The following PELI1 variants were observed in gnomAD, a reference collection of about 807,000 sequenced individuals.
PELI1 encodes E3 ubiquitin-protein ligase pellino homolog 1.
Under a neutral mutation model 41.3 loss-of-function variants are expected in PELI1, and 15 were observed. That is an observed-to-expected ratio of 0.36 (90% confidence interval 0.24 to 0.56). The LOEUF (loss-of-function observed/expected upper bound fraction) is 0.56, where lower values mean the gene tolerates loss of function less well. Ranked by LOEUF, PELI1 falls within the 20% of genes least tolerant of loss-of-function variation. PELI1 has a pLI of 0.82. For synonymous variants in PELI1, 178 were observed against 180.1 expected (o/e 0.99, Z 0.09); for missense variants, 403 against 525.5 (o/e 0.77, Z 2.28).
At chr2:64,110,928 A>AATATCTAT (rs1680789087) in intron 1 of PELI1, among the ~76,000 whole-genome samples, 1 of 149,296 alleles carries the variant, frequency 6.7e-6, no homozygotes. Context: ...TCCATTTCAA[A>AATATCTAT]ATATATATAT....
chr2:64,121,811 A>T (rs2103718846), intron 1 of PELI1, among the ~76,000 whole-genome samples: 1 of 152,128 alleles, frequency 6.6e-6, no homozygotes, highest in South Asian at 2.1e-4. Context: ...AGGCTGAGGC[A>T]GGAGAATAGC....
intron 3 of PELI1, among the ~76,000 whole-genome samples, chr2:64,102,341 T>TAC (rs1399625621): frequency 2.0e-5 from 3 of 152,138 alleles, no homozygotes; most frequent in Admixed American, 6.5e-5. Flanking sequence ...CATATATATA[T>TAC]ACACACGCAC....
chr2:64,100,413 G>A lies in PELI1; in HGVS notation c.288C>T (p.Asn96=). 1.3e-6 allele frequency: 2 copies of A among 1,514,380 alleles called. No homozygotes were observed. The highest frequency in any genetic ancestry group is 1.7e-4 in the Middle Eastern group (1 of 5,880). 93.8% of individuals were successfully genotyped at this position (1,514,380 alleles called of 1,614,324 possible). A position where few individuals can be genotyped will look rare whatever the true frequency, so the allele number is the denominator to read the frequency against. ...TVVVEYTHDS[N]TDMFQIGRST... is the part of the protein sequence containing the mutation. ...GTTGTAATACCTGAAACATATCGGT[G>A]TTGCTGTCATGAGTATATTCAACCA... The change falls in exon 4 of 7, where the codon AAC becomes AAT. Residue 96 remains asparagine, a synonymous_variant. Coordinates refer to ENST00000358912, the MANE Select transcript of PELI1 (RefSeq NM_020651.4).
At chr2:64,116,956 A>G (rs1194486500) in intron 1 of PELI1, among the ~76,000 whole-genome samples, 1 of 152,182 alleles carries the variant, frequency 6.6e-6, no homozygotes, top group Non-Finnish European at 1.5e-5. Context: ...GTCTGTGATC[A>G]GTGATCTTTG....
intron 1 of PELI1, among the ~76,000 whole-genome samples, chr2:64,142,983 T>G (rs558144635): frequency 1.8e-3 from 270 of 152,338 alleles, no homozygotes; most frequent in Non-Finnish European, 3.2e-3. Context: ...AACCAGCACC[T>G]TATGAATAAA....
Position 64,096,608 on chromosome 2 carries a change from A to G in PELI1, c.306T>C (p.Ile102=). The G allele has an allele frequency of 6.2e-7, 1 of 1,605,306 alleles. No individual in the cohort carries two copies. Among genetic ancestry groups the G allele is most frequent in the Middle Eastern group, 1.7e-4 (1 of 6,016 alleles). The change falls in exon 5 of 7, where the codon ATT becomes ATC. Residue 102 remains isoleucine, a splice_region_variant and synonymous_variant. Transcript: ENST00000358912. The part of the protein sequence containing the change: ...THDSNTDMFQ[I]GRSTESPIDF... ...CAATGGGGCTTTCAGTCGACCGGCCAATCTGAGGGAAAAAAAAAAATACCT... is the reference window on the plus strand; with the variant it reads ...CAATGGGGCTTTCAGTCGACCGGCCGATCTGAGGGAAAAAAAAAAATACCT...
At chr2:64,106,576 A>C (rs1157897308) in intron 2 of PELI1, among the ~76,000 whole-genome samples, 1 of 152,220 alleles carries the variant, frequency 6.6e-6, no homozygotes, top group African/African-American at 2.4e-5. Flanking sequence ...ACTATGCTAA[A>C]TTTATGATCT....
intron 4 of PELI1, among the ~76,000 whole-genome samples, chr2:64,099,894 A>G (rs991994891): frequency 1.3e-5 from 2 of 152,240 alleles, no homozygotes; most frequent in Non-Finnish European, 2.9e-5. Flanking sequence ...GACCAAATAC[A>G]TGCTGAGAAA....
At chr2:64,141,498 T>G (rs1681913690) in intron 1 of PELI1, among the ~76,000 whole-genome samples, 1 of 152,210 alleles carries the variant, frequency 6.6e-6, no homozygotes, top group Admixed American at 6.5e-5. Context: ...AGTTTTCAAT[T>G]CTAAGTCTTT....
intron 1 of PELI1, among the ~76,000 whole-genome samples, chr2:64,116,807 C>T (rs1681008079): frequency 6.6e-6 from 1 of 152,198 alleles, no homozygotes; most frequent in South Asian, 2.1e-4. Context: ...AAGTTTGTGG[C>T]AACCCTGCAT....
chr2:64,094,463 C>T lies in PELI1; in HGVS notation c.*239G>A. ...ATCAAATTAGACTATGTCTTTTTCT[C>T]CTCAAAATATATTTTCAAAACTCAG... On this transcript the variant is annotated 3_prime_UTR_variant, in exon 7 of 7. Transcript: ENST00000358912. 2.4e-6 allele frequency: 1 copy of T among 419,626 alleles called. No homozygotes were observed. The highest frequency in any genetic ancestry group is 4.2e-6 in the Non-Finnish European group (1 of 235,876). 26.0% of individuals were successfully genotyped at this position (419,626 alleles called of 1,614,324 possible).
chr2:64,112,620 T>C (rs1680841031), intron 1 of PELI1, among the ~76,000 whole-genome samples: 3 of 152,178 alleles, frequency 2.0e-5, no homozygotes, highest in Admixed American at 6.6e-5. Context: ...GACATCAAAG[T>C]TTCAATCACA....
intron 1 of PELI1, among the ~76,000 whole-genome samples, chr2:64,110,247 GAAAAAA>G (rs796716135): frequency 1.1e-4 from 11 of 100,812 alleles, no homozygotes; most frequent in Admixed American, 2.4e-4. Context: ...TCCGTCTCAA[GAAAAAA>G]AAAAAAAAAA....
intron 1 of PELI1, among the ~76,000 whole-genome samples, chr2:64,140,804 C>CAA (rs200569281): frequency 9.7e-6 from 1 of 102,608 alleles, no homozygotes; most frequent in Admixed American, 1.2e-4. Context: ...AAAAAACAAA[C>CAA]AAACAAAAAA....
At position 64,095,015 on chromosome 2, in the gene PELI1, T is replaced by C. The variant is rs1680182208; in HGVS notation, c.944A>G (p.His315Arg). 6.2e-7 allele frequency: 1 copy of C among 1,614,114 alleles called. No individual in the cohort carries two copies. The highest frequency in any genetic ancestry group is 1.3e-5 in the African/African-American group (1 of 74,938). The change falls in exon 7 of 7, where the codon CAT becomes CGT. Residue 315 changes from histidine (H) to arginine (R), a missense_variant. Transcript: ENST00000358912. ...TTTGTTTCCCCAGTTATGATAGCCA[T>C]GTACATGGCCGCAGTTTAGATATAC... is the stretch of plus-strand genomic sequence containing the variant. ...PWVYLNCGHV[H>R]GYHNWGNKEE...
intron 2 of PELI1, among the ~76,000 whole-genome samples, chr2:64,107,607 G>A (rs1213740892): frequency 6.6e-6 from 1 of 152,072 alleles, no homozygotes; most frequent in East Asian, 1.9e-4. Context: ...AAAGTCAGCT[G>A]AGGCAAAACA....
intron 1 of PELI1, among the ~76,000 whole-genome samples, chr2:64,130,718 A>G (rs146608992): frequency 2.0e-5 from 3 of 152,234 alleles, no homozygotes; most frequent in Non-Finnish European, 4.4e-5. Flanking sequence ...AAAAAAGCAT[A>G]CATATTTCTA....
At chr2:64,133,101 A>AC (rs1362628251) in intron 1 of PELI1, among the ~76,000 whole-genome samples, 2 of 152,138 alleles carry the variant, frequency 1.3e-5, no homozygotes, top group African/African-American at 4.8e-5. Flanking sequence ...AATTTCACTA[A>AC]CCTGAGGTCT....
In PELI1 at chr2:64,093,494, AAGACATATTGGAATTAGAGAATAAAC is replaced by A. The variant is rs1406793987; in HGVS notation, c.*1182_*1207del. 1 of 152,632 alleles carries A rather than the reference AAGACATATTGGAATTAGAGAATAAAC, an allele frequency of 6.6e-6. No homozygotes were observed. The highest frequency in any genetic ancestry group is 2.4e-5 in the African/African-American group (1 of 41,456). 9.5% of individuals were successfully genotyped at this position (152,632 alleles called of 1,614,324 possible). A position where few individuals can be genotyped will look rare whatever the true frequency, so the allele number is the denominator to read the frequency against. ...AAACTTTTCTTGCTTCTGGAAGCAA[AAGACATATTGGAATTAGAGAATAAAC>A]AGACCATGCAGTGCGTCACTCCACG... is the stretch of plus-strand genomic sequence containing the variant. On this transcript the variant is annotated 3_prime_UTR_variant, in exon 7 of 7. Coordinates refer to ENST00000358912, the MANE Select transcript of PELI1 (RefSeq NM_020651.4).
Sources: allele counts gnomAD v4.1 joint callset (sites outside exome capture counted in the v4.1 genomes callset), GRCh38; gene constraint gnomAD v4.1.1; transcripts MANE v1.5; gene names NCBI Gene and HGNC (gene_info 2026-07-23, HGNC 2026-07-21).